Variants in MMP26 observed in about 807,000 individuals in gnomAD.
The protein encoded by MMP26 is matrix metallopeptidase 26.
A neutral mutation model predicts 31.0 loss-of-function variants in MMP26; 33 were observed. The ratio of observed to expected loss-of-function variants is 1.06; its 90% confidence interval spans 0.81 to 1.42. The LOEUF is 1.42. Ranked by LOEUF, MMP26 falls within the 40% of genes most tolerant of loss-of-function variation. The pLI, the probability that MMP26 is intolerant of heterozygous loss-of-function variation, is 0.00. For synonymous variants in MMP26, 122 were observed against 114.9 expected (o/e 1.06, Z -0.40); for missense variants, 347 against 316.1 (o/e 1.10, Z -0.74).
intron 2 of MMP26, among the ~76,000 whole-genome samples, chr11:4,800,861 T>G (rs533002025): frequency 0.12 from 18,922 of 152,116 alleles, 2,314 homozygotes; most frequent in African/African-American, 0.31. Context: ...GTCATCCCTT[T>G]TAAGTTCAAA....
At chr11:4,765,183 C>G (rs1848613958) in intron 1 of MMP26, among the ~76,000 whole-genome samples, 1 of 152,178 alleles carries the variant, frequency 6.6e-6, no homozygotes, top group South Asian at 2.1e-4. Context: ...ATGTAAGCCA[C>G]ATTGCCCAGG....
intron 2 of MMP26, chr11:4,769,579 T>G: frequency 6.2e-7 from 1 of 1,613,370 alleles, no homozygotes; most frequent in Non-Finnish European, 8.5e-7. Flanking sequence ...GCACTCCAGA[T>G]TCCATAAAAG....
chr11:4,775,622 T>A (rs1589897215), intron 2 of MMP26, among the ~76,000 whole-genome samples: 1 of 152,114 alleles, frequency 6.6e-6, no homozygotes, highest in Non-Finnish European at 1.5e-5. Flanking sequence ...CTGCAGGCTG[T>A]ACAGAAATCA....
At chr11:4,741,993 A>G (rs1848318007) in intron 1 of MMP26, among the ~76,000 whole-genome samples, 1 of 152,200 alleles carries the variant, frequency 6.6e-6, no homozygotes, top group Non-Finnish European at 1.5e-5. Context: ...CATACAGAGG[A>G]CAAAACTAGA....
chr11:4,872,718 A>G (rs1383546889), intron 2 of MMP26, among the ~76,000 whole-genome samples: 1 of 151,896 alleles, frequency 6.6e-6, no homozygotes, highest in Non-Finnish European at 1.5e-5. Context: ...AAGAGTATGG[A>G]AGTGAAGTTC....
intron 2 of MMP26, chr11:4,803,608 G>A: frequency 6.2e-7 from 1 of 1,614,036 alleles, no homozygotes. Context: ...AGAAAAAAGG[G>A]CTGGGATATA....
intron 2 of MMP26, among the ~76,000 whole-genome samples, chr11:4,802,772 A>G (rs1230115479): frequency 6.6e-6 from 1 of 152,206 alleles, no homozygotes; most frequent in Non-Finnish European, 1.5e-5. Context: ...CCAGTATAGA[A>G]TTGGTACCAA....
At chr11:4,735,304 A>G (rs1369167333) in intron 1 of MMP26, among the ~76,000 whole-genome samples, 1 of 152,224 alleles carries the variant, frequency 6.6e-6, no homozygotes, top group Non-Finnish European at 1.5e-5. Flanking sequence ...GGTTATGTCT[A>G]TATCACTATA....
intron 1 of MMP26, among the ~76,000 whole-genome samples, chr11:4,744,280 T>A (rs1033959972): frequency 1.3e-5 from 2 of 152,230 alleles, no homozygotes; most frequent in Non-Finnish European, 2.9e-5. Context: ...GAATCTCTAG[T>A]TTTTTAAAAA....
At chr11:4,839,546 C>G (rs907277557) in intron 2 of MMP26, among the ~76,000 whole-genome samples, 1 of 151,786 alleles carries the variant, frequency 6.6e-6, no homozygotes, top group African/African-American at 2.4e-5. Context: ...GCCTTTGTTC[C>G]AGAACCTAGC....
At chr11:4,917,780 A>G (rs1851120124) in intron 2 of MMP26, among the ~76,000 whole-genome samples, 1 of 152,050 alleles carries the variant, frequency 6.6e-6, no homozygotes, top group South Asian at 2.1e-4. Flanking sequence ...GTTTTGATGT[A>G]ATAGTCTCTA....
chr11:4,846,943 C>T (rs1174427492), intron 2 of MMP26, among the ~76,000 whole-genome samples: 4 of 152,196 alleles, frequency 2.6e-5, no homozygotes, highest in African/African-American at 9.7e-5. Flanking sequence ...AGACCCTCTT[C>T]ATCTAGGCTG....
chr11:4,989,096 C>T (rs575238857), intron 3 of MMP26, among the ~76,000 whole-genome samples: 1 of 152,168 alleles, frequency 6.6e-6, no homozygotes, highest in African/African-American at 2.4e-5. Flanking sequence ...AATTACAATA[C>T]AATGTGCTTT....
intron 2 of MMP26, among the ~76,000 whole-genome samples, chr11:4,783,295 A>G (rs1848890465): frequency 6.6e-6 from 1 of 152,236 alleles, no homozygotes; most frequent in Non-Finnish European, 1.5e-5. Context: ...GATGGGAGAC[A>G]TAGAGTCAAA....
chr11:4,885,529 G>T (rs1850535126), intron 2 of MMP26, among the ~76,000 whole-genome samples: 1 of 152,090 alleles, frequency 6.6e-6, no homozygotes, highest in Admixed American at 6.6e-5. Flanking sequence ...GCACAGTTTT[G>T]TAGTCTAGGA....
At chr11:4,859,173 A>G (rs1395554929) in intron 2 of MMP26, among the ~76,000 whole-genome samples, 3 of 152,232 alleles carry the variant, frequency 2.0e-5, no homozygotes, top group African/African-American at 7.2e-5. Flanking sequence ...CAAAGACTTC[A>G]TAACTAAAAC....
intron 2 of MMP26, among the ~76,000 whole-genome samples, chr11:4,987,822 T>C (rs1050853925): frequency 2.0e-5 from 3 of 152,188 alleles, no homozygotes; most frequent in Admixed American, 6.5e-5. Context: ...TGGAGCAAGA[T>C]TGAATGTCTC....
chr11:4,918,763 A>T (rs1312960103), intron 2 of MMP26, among the ~76,000 whole-genome samples: 7 of 152,180 alleles, frequency 4.6e-5, no homozygotes, highest in African/African-American at 7.2e-5. Context: ...GACTTGAGCA[A>T]GTTGAATGAC....
At chr11:4,862,071 A>T (rs1045336134) in intron 2 of MMP26, among the ~76,000 whole-genome samples, 8 of 152,060 alleles carry the variant, frequency 5.3e-5, no homozygotes, top group African/African-American at 1.9e-4. Flanking sequence ...CATGCATTAT[A>T]TCCAGATATT....
Sources: gnomAD v4.1 joint callset for allele counts (sites outside exome capture counted in the v4.1 genomes callset) on GRCh38, gnomAD v4.1.1 for gene constraint, MANE v1.5 for transcripts, NCBI Gene and HGNC (gene_info 2026-07-23, HGNC 2026-07-21) for gene names.